The following TPSG1 variants were observed in gnomAD, a reference collection of about 807,000 sequenced individuals.
TPSG1 encodes tryptase gamma 1.
In TPSG1, 43 loss-of-function variants were observed where a neutral mutation model predicts 23.8. That is an observed-to-expected ratio of 1.81 (90% confidence interval 1.42 to 2.33). The LOEUF is 2.33. Among genes scored for constraint, TPSG1 ranks in the 30% most tolerant of loss-of-function variants. The pLI is 0.00. For missense variants in TPSG1, 623 were observed against 438.6 expected (o/e 1.42, Z -3.75); for synonymous variants, 302 against 201.3 (o/e 1.50, Z -4.23).
Position 1,222,255 on chromosome 16 carries a change from CG to C in TPSG1, c.597del (p.Gly201AlafsTer30). On this transcript the variant is annotated frameshift_variant, in exon 5 of 6. Transcript: ENST00000234798. LOFTEE classifies it high-confidence loss of function. ...TETCRRDYPG[P>X]GGSILQPDML... ...ATGTCGGGCTGAAGGATGCTGCCCC[CG>C]GGGCCGGGATAGTCCCGGCGGCAGG... 6.2e-7 allele frequency: 1 copy of C among 1,612,110 alleles called. No homozygotes were observed. Among genetic ancestry groups the C allele is most frequent in the African/African-American group, 1.3e-5 (1 of 75,016 alleles).
At position 1,224,717 on chromosome 16, in the gene TPSG1, G is replaced by A. The variant is rs923167336; in HGVS notation, c.47-89C>T. On this transcript the variant is annotated intron_variant, in intron 1 of 5. Transcript: ENST00000234798. ...AGAGGCCCCTGCCAGGCCTCAGGGC[G>A]GCACTGGGGTGGGGCCTGGTCCTGA... 1.9e-5 allele frequency: 30 copies of A among 1,556,834 alleles called. No homozygotes were observed. The East Asian group carries it at 2.9e-4, about 15-fold the overall frequency.
Position 1,225,247 on chromosome 16 carries a change from G to C in TPSG1, c.6C>G (p.Ala2=), listed in dbSNP as rs1231717701. The part of the protein sequence containing the change: M[A]LGACGLLLLL... ...GCAGCAGGAGGCCACAGGCCCCAAGGGCCATGGTGTCTGCCCACTGTAGGG... is the reference window on the plus strand; with the variant it reads ...GCAGCAGGAGGCCACAGGCCCCAAGCGCCATGGTGTCTGCCCACTGTAGGG... Residue 2 remains alanine, a synonymous_variant, in exon 1 of 6, where the codon GCC becomes GCG. Coordinates refer to ENST00000234798, the MANE Select transcript of TPSG1 (RefSeq NM_012467.4). 1 of 1,573,494 alleles carries C rather than the reference G, an allele frequency of 6.4e-7. No individual in the cohort carries two copies. Among genetic ancestry groups the C allele is most frequent in the African/African-American group, 1.3e-5 (1 of 74,178 alleles).
At chr16:1,224,703 C>T in intron 1 of TPSG1, 75 bp from the exon 2 acceptor site, 3 of 1,595,578 alleles carry the variant, frequency 1.9e-6, no homozygotes, top group Non-Finnish European at 2.6e-6. Flanking sequence ...GAGGCCCCTG[C>T]CAGGCCTCAG....
In TPSG1 at chr16:1,222,180, G is replaced by A. The variant is rs768504402; in HGVS notation, c.657+16C>T. On this transcript the variant is annotated intron_variant, in intron 5 of 5. Coordinates refer to ENST00000234798, the MANE Select transcript of TPSG1 (RefSeq NM_012467.4). ...TTCAGCCGCCCCCATCCTCTGTCACGGCCTGGCAGGCTCACCTGGCAGGCA... is the reference window on the plus strand; with the variant it reads ...TTCAGCCGCCCCCATCCTCTGTCACAGCCTGGCAGGCTCACCTGGCAGGCA... 3.7e-5 allele frequency: 60 copies of A among 1,611,284 alleles called. No individual in the cohort carries two copies. Among genetic ancestry groups the A allele is most frequent in the Middle Eastern group, 1.7e-4 (1 of 6,056 alleles).
At chr16:1,222,138 G>T (rs763596599) in intron 5 of TPSG1, 42 bp from the exon 6 acceptor site, 27 of 1,612,086 alleles carry the variant, frequency 1.7e-5, no homozygotes, top group East Asian at 2.2e-5. Context: ...GAGAAGATGG[G>T]GAGCCCCTCC....
chr16:1,223,827 AC>A (rs892733642), intron 2 of TPSG1: 1 of 537,808 alleles, frequency 1.9e-6, no homozygotes, highest in African/African-American at 2.0e-5. Flanking sequence ...TGCTCCACAA[AC>A]TAACCAGGGC....
Position 1,221,869 on chromosome 16 carries a change from A to C in TPSG1, c.885T>G (p.Leu295=). 6.2e-7 allele frequency: 1 copy of C among 1,612,028 alleles called. No homozygotes were observed. The highest frequency in any genetic ancestry group is 1.1e-5 in the South Asian group (1 of 90,980). Residue 295 remains leucine (L), a synonymous_variant, in exon 6 of 6, where the codon CTT becomes CTG. Transcript: ENST00000234798. The stretch of plus-strand genomic sequence containing the variant: ...CCAGCAGGACACAGGAGACTAGCAG[A>C]AGGAAGAGGCCGGGGAGGAAGAAGC... ...LAGFFLPGLF[L]LLVSCVLLAK...
In TPSG1 at chr16:1,224,631, G is replaced by T; in HGVS notation, c.47-3C>A. The T allele has an allele frequency of 1.9e-6, 3 of 1,613,828 alleles. No homozygotes were observed. The highest frequency in any genetic ancestry group is 2.5e-6 in the Non-Finnish European group (3 of 1,179,888). On this transcript the variant is annotated splice_polypyrimidine_tract_variant and splice_region_variant and intron_variant, in intron 1 of 5. Coordinates refer to ENST00000234798, the MANE Select transcript of TPSG1 (RefSeq NM_012467.4). ...CTGCAAAGTCCTGAGGGACACACCTGTGGGAAAGACGAAGGGCCCAGGATG... is the reference window on the plus strand; with the variant it reads ...CTGCAAAGTCCTGAGGGACACACCTTTGGGAAAGACGAAGGGCCCAGGATG...
chr16:1,223,705 T>C, intron 2 of TPSG1, 111 bp from the exon 3 acceptor site: 1 of 1,292,526 alleles, frequency 7.7e-7, no homozygotes, highest in Non-Finnish European at 1.0e-6. Flanking sequence ...GACTTTGCTC[T>C]TCAGCTCTCT....
chr16:1,225,167 A>C (rs1596488542), intron 1 of TPSG1, 40 bp downstream of exon 1: 4 of 1,553,320 alleles, frequency 2.6e-6, no homozygotes, highest in Non-Finnish European at 3.5e-6. Flanking sequence ...GGCAGGAAGC[A>C]GATGCCCCCC....
chr16:1,222,224 C>T lies in TPSG1; in HGVS notation c.629G>A (p.Cys210Tyr), dbSNP rs916970241. 31 of 1,611,848 alleles carry T rather than the reference C, an allele frequency of 1.9e-5. No homozygotes were observed. Among genetic ancestry groups the T allele is most frequent in the Non-Finnish European group, 2.5e-5 (30 of 1,179,850 alleles). ...GCAGGCATCCCCGGGGCCCCGGGCA[C>T]ACAGCATGTCGGGCTGAAGGATGCT... ...GGSILQPDML[C>Y]ARGPGDACQD... The change falls in exon 5 of 6, where the codon TGT becomes TAT. Residue 210 changes from cysteine (C) to tyrosine (Y), a missense_variant. Physicochemically the swap from Cys to Tyr is radical, Grantham distance 194. Transcript: ENST00000234798.
rs773731241 is a variant in TPSG1, at chr16:1,225,211, C to T, written c.42G>A (p.Val14=). ...CACCCAGGCCAGGTCACCCACCGGG[C>T]ACAGCCAGGAGCAGCAGGAGGCCAC... ...GACGLLLLLA[V]PGVSLRTLQP... Residue 14 remains valine (V), a synonymous_variant, in exon 1 of 6, where the codon GTG becomes GTA. Transcript: ENST00000234798. 5 of 1,577,810 alleles carry T rather than the reference C, an allele frequency of 3.2e-6. No individual in the cohort carries two copies. The highest frequency in any genetic ancestry group is 2.3e-5 in the South Asian group (2 of 85,900).
intron 5 of TPSG1, 44 bp downstream of exon 5, chr16:1,222,152 G>T (rs758987243): frequency 1.2e-6 from 2 of 1,611,550 alleles, no homozygotes; most frequent in South Asian, 1.1e-5. Context: ...CCCCTCCCTG[G>T]GCTTCAGCCG....
intron 3 of TPSG1, 31 bp from the exon 4 acceptor site, chr16:1,222,948 CCAGCTGCGGAGGCTGGAGGT>C (rs1567565640): frequency 6.4e-7 from 1 of 1,572,386 alleles, no homozygotes; most frequent in Non-Finnish European, 8.7e-7. Context: ...GTGAGAGGGG[CCAGCTGCGGAGGCTGGAGGT>C]CAGTGTCGGC....
chr16:1,222,528 G>A (rs1197656229), intron 4 of TPSG1, 124 bp downstream of exon 4: 1 of 1,375,528 alleles, frequency 7.3e-7, no homozygotes, highest in Non-Finnish European at 9.9e-7. Flanking sequence ...CAGCCGATAG[G>A]GGCGGCCTTG....
In TPSG1 at chr16:1,221,893, G is replaced by A. The variant is rs1416985655; in HGVS notation, c.861C>T (p.Gly287=). The A allele has an allele frequency of 9.9e-6, 16 of 1,611,488 alleles. No individual in the cohort carries two copies. Among genetic ancestry groups the A allele is most frequent in the Non-Finnish European group, 1.3e-5 (15 of 1,179,304 alleles). ...GAAGGAAGAGGCCGGGGAGGAAGAA[G>A]CCAGCCAGGAGGGGGAGCCTGGGGT... is the stretch of plus-strand genomic sequence containing the variant. ...SGYPRLPLLA[G]FFLPGLFLLL... The change falls in exon 6 of 6, where the codon GGC becomes GGT. Residue 287 remains glycine, a synonymous_variant. Transcript: ENST00000234798.
chr16:1,223,373 C>A, intron 3 of TPSG1, 50 bp downstream of exon 3: 2 of 1,517,772 alleles, frequency 1.3e-6, no homozygotes, highest in Non-Finnish European at 1.8e-6. Context: ...TGGCGCATGC[C>A]CCACTGGGGC....
chr16:1,223,068 C>T (rs923638632), intron 3 of TPSG1, 151 bp from the exon 4 acceptor site: 2 of 1,070,948 alleles, frequency 1.9e-6, no homozygotes, highest in Non-Finnish European at 2.6e-6. Context: ...TGGCCTCACC[C>T]TGCAGGGCCC....
At chr16:1,223,666 C>A in intron 2 of TPSG1, 72 bp from the exon 3 acceptor site, 1 of 1,484,676 alleles carries the variant, frequency 6.7e-7, no homozygotes, top group African/African-American at 1.4e-5. Flanking sequence ...ATGAAGCCTT[C>A]CCTGACCACA....
Sources: gnomAD v4.1 joint callset for allele counts on GRCh38, gnomAD v4.1.1 for gene constraint, MANE v1.5 for transcripts, NCBI Gene and HGNC (gene_info 2026-07-23, HGNC 2026-07-21) for gene names.